KIAA1671: variants seen among roughly 807,000 people sequenced by gnomAD.
KIAA1671 encodes the protein uncharacterized protein KIAA1671.
A neutral mutation model predicts 131.2 loss-of-function variants in KIAA1671; 52 were observed. That is an observed-to-expected ratio of 0.40 (90% CI 0.32 to 0.50). The LOEUF (loss-of-function observed/expected upper bound fraction) is 0.50, where lower values mean the gene tolerates loss of function less well. Among genes scored for constraint, KIAA1671 ranks in the 20% least tolerant of loss-of-function variants. The probability of loss-of-function intolerance (pLI) is 0.73; values close to 1 mark genes in which losing one functional copy is unlikely to be tolerated. For missense variants in KIAA1671, 2,360 were observed against 2,364.2 expected, an observed-to-expected ratio of 1.00 and a Z score of 0.04; for synonymous variants, 1,003 against 961.6, an observed-to-expected ratio of 1.04 and a Z score of -0.80.
chr22:25,162,948 A>AT (rs1933495889), intron 6 of KIAA1671, among the ~76,000 whole-genome samples: 1 of 152,182 alleles, frequency 6.6e-6, no homozygotes, highest in African/African-American at 2.4e-5. Context: ...ATTGGTACTT[A>AT]ACTTATGATG....
intron 10 of KIAA1671, among the ~76,000 whole-genome samples, chr22:25,182,245 G>T (rs1276145580): frequency 6.7e-6 from 1 of 148,898 alleles, no homozygotes; most frequent in African/African-American, 2.5e-5. Context: ...CTCCCTCCCT[G>T]TCTTCCTCCT....
intron 2 of KIAA1671, among the ~76,000 whole-genome samples, chr22:25,026,904 A>G (rs1449843288): frequency 2.0e-5 from 3 of 152,092 alleles, no homozygotes; most frequent in African/African-American, 7.2e-5. Context: ...TTAATGAGAG[A>G]GGAGGTCCCC....
intron 6 of KIAA1671, among the ~76,000 whole-genome samples, chr22:25,139,528 C>T (rs1188965822): frequency 2.0e-5 from 3 of 152,236 alleles, no homozygotes; most frequent in African/African-American, 7.2e-5. Context: ...GCTTTAATGA[C>T]ACCATCTATC....
chr22:25,070,458 G>A (rs1928765063), intron 6 of KIAA1671: 4 of 432,254 alleles, frequency 9.3e-6, no homozygotes, highest in East Asian at 3.5e-5. Flanking sequence ...ACGGGGTCAC[G>A]TCCTTTCCCT....
chr22:25,154,863 G>C (rs1933175709), intron 6 of KIAA1671, among the ~76,000 whole-genome samples: 1 of 152,216 alleles, frequency 6.6e-6, no homozygotes, highest in Admixed American at 6.5e-5. Flanking sequence ...GGGCAGATGA[G>C]AGGGGGCTGT....
intron 6 of KIAA1671, among the ~76,000 whole-genome samples, chr22:25,073,711 G>GT (rs1928948975): frequency 6.6e-6 from 1 of 152,254 alleles, no homozygotes; most frequent in South Asian, 2.1e-4. Flanking sequence ...GGGTTTGTTT[G>GT]TTTTTTAGGT....
At chr22:25,038,479 T>G (rs1405744675) in intron 4 of KIAA1671, among the ~76,000 whole-genome samples, 2 of 152,184 alleles carry the variant, frequency 1.3e-5, no homozygotes, top group Non-Finnish European at 2.9e-5. Context: ...GTGGACAAAG[T>G]CCTGGGAGGA....
At chr22:25,095,618 T>A (rs1020724996) in intron 6 of KIAA1671, among the ~76,000 whole-genome samples, 4 of 152,104 alleles carry the variant, frequency 2.6e-5, no homozygotes, top group African/African-American at 9.7e-5. Context: ...GCCACTGCAC[T>A]CCAGCCTGGG....
intron 6 of KIAA1671, among the ~76,000 whole-genome samples, chr22:25,093,750 C>CTCTCTCTCTCTG (rs1930189198): frequency 1.7e-5 from 2 of 118,936 alleles, no homozygotes; most frequent in East Asian, 4.9e-4. Context: ...CTCTCTCTCT[C>CTCTCTCTCTCTG]TCTCTCTCTC....
Position 25,185,055 on chromosome 22 carries a change from T to A in KIAA1671, c.5278T>A (p.Ser1760Thr). The stretch of plus-strand genomic sequence containing the variant: ...GGCACCCCAACCCAAGAGCCCCAAG[T>A]CCCCCTTCCAGCCTGGGGTGCTGGG... ...SWAPQPKSPK[S>T]PFQPGVLGSR... The change falls in exon 11 of 13, where the codon TCC becomes ACC. Residue 1760 changes from serine to threonine, a missense_variant. Coordinates refer to ENST00000358431, the MANE Select transcript of KIAA1671 (RefSeq NM_001145206.2). 6.4e-7 allele frequency: 1 copy of A among 1,551,476 alleles called. No homozygotes were observed. Among genetic ancestry groups the A allele is most frequent in the South Asian group, 1.2e-5 (1 of 84,044 alleles).
At chr22:25,160,843 A>C (rs577968196) in intron 6 of KIAA1671, among the ~76,000 whole-genome samples, 2 of 152,308 alleles carry the variant, frequency 1.3e-5, no homozygotes, top group African/African-American at 4.8e-5. Flanking sequence ...AGAGCTGGGG[A>C]TGGGGCAAGA....
At chr22:25,178,945 G>T (rs1331519605) in intron 9 of KIAA1671, among the ~76,000 whole-genome samples, 6 of 152,248 alleles carry the variant, frequency 3.9e-5, no homozygotes, top group Non-Finnish European at 5.9e-5. Context: ...CAGAGGACCT[G>T]CCCTGACCTG....
chr22:25,026,974 A>G (rs1925980229), intron 2 of KIAA1671, among the ~76,000 whole-genome samples: 1 of 152,178 alleles, frequency 6.6e-6, no homozygotes, highest in Non-Finnish European at 1.5e-5. Flanking sequence ...CCAAGCTACT[A>G]CAAAATGGGG....
Position 25,049,354 on chromosome 22 carries a change from G to T in KIAA1671, c.4520G>T (p.Gly1507Val). 1 of 1,549,844 alleles carries T rather than the reference G, an allele frequency of 6.5e-7. No homozygotes were observed. The highest frequency in any genetic ancestry group is 1.2e-5 in the South Asian group (1 of 84,038). ...AGCTTCTGCAAAGACAGGAGGAGTG[G>T]GCCCTTTGTGGTGAGTGATGCAACA... is the stretch of plus-strand genomic sequence containing the variant. ...SHSFCKDRRS[G>V]PFVDQLKQCF... The change falls in exon 6 of 13, where the codon GGG becomes GTG. Residue 1507 changes from glycine (G) to valine (V), a missense_variant. This residue lies in a region of KIAA1671 where 1,161 missense variants were observed against 1,204.7 expected (regional missense o/e 0.96). Coordinates refer to ENST00000358431, the MANE Select transcript of KIAA1671 (RefSeq NM_001145206.2).
At chr22:25,167,567 CT>C (rs1178296761) in intron 6 of KIAA1671, among the ~76,000 whole-genome samples, 1 of 152,170 alleles carries the variant, frequency 6.6e-6, no homozygotes, top group Non-Finnish European at 1.5e-5. Flanking sequence ...AGAATACTGT[CT>C]TTGGGTGATA....
At chr22:25,000,127 C>T (rs1025738037) in intron 1 of KIAA1671, among the ~76,000 whole-genome samples, 2 of 151,276 alleles carry the variant, frequency 1.3e-5, no homozygotes, top group African/African-American at 4.9e-5. Flanking sequence ...TCGTGATCCA[C>T]CTGCCTCGGC....
chr22:25,086,824 C>T (rs1929750475), intron 6 of KIAA1671, among the ~76,000 whole-genome samples: 1 of 152,184 alleles, frequency 6.6e-6, no homozygotes, highest in Admixed American at 6.5e-5. Flanking sequence ...ACAGTAACCC[C>T]CAGGGACCCC....
chr22:25,001,213 GTGTATATA>G (rs1241502347), intron 1 of KIAA1671, among the ~76,000 whole-genome samples: 17 of 135,874 alleles, frequency 1.3e-4, no homozygotes, highest in Non-Finnish European at 3.1e-5. Context: ...GTGTATGTAT[GTGTATATA>G]TGTATGTGTG....
chr22:25,179,864 G>A (rs1934204501), intron 9 of KIAA1671, among the ~76,000 whole-genome samples: 1 of 152,114 alleles, frequency 6.6e-6, no homozygotes, highest in South Asian at 2.1e-4. Context: ...AATCTTTTCT[G>A]TTTTCTAATG....
Sources: gnomAD v4.1 joint callset for allele counts (sites outside exome capture counted in the v4.1 genomes callset) on GRCh38, gnomAD v4.1.1 for gene constraint, gnomAD v4.1.1 regional missense constraint, MANE v1.5 for transcripts, NCBI Gene and HGNC (gene_info 2026-07-23, HGNC 2026-07-21) for gene names.